CA10: variants seen among roughly 807,000 people sequenced by gnomAD.
The protein encoded by CA10 is carbonic anhydrase-related protein 10.
In CA10, 14 loss-of-function variants were observed where a neutral mutation model predicts 44.2. That is an observed-to-expected ratio of 0.32 (90% CI 0.21 to 0.50). CA10 has a LOEUF of 0.50. CA10 is among the 20% of genes least tolerant of loss of function. CA10 has a pLI of 0.99. For synonymous variants in CA10, 159 were observed against 141.6 expected, an observed-to-expected ratio of 1.12 and a Z score of -0.87; for missense variants, 350 against 409.7, an observed-to-expected ratio of 0.85 and a Z score of 1.26.
intron 2 of CA10, among the ~76,000 whole-genome samples, chr17:51,942,884 C>T (rs577687208): frequency 6.6e-6 from 1 of 152,046 alleles, no homozygotes; most frequent in Non-Finnish European, 1.5e-5. Flanking sequence ...GTTTCCATTC[C>T]AATACTTGAC....
intron 2 of CA10, among the ~76,000 whole-genome samples, chr17:52,022,149 T>TA (rs936061006): frequency 3.1e-4 from 47 of 151,774 alleles, no homozygotes; most frequent in African/African-American, 1.1e-3. Flanking sequence ...AAAGACATGA[T>TA]AAAAAAAGAA....
At chr17:51,882,747 C>T (rs1035805295) in intron 3 of CA10, among the ~76,000 whole-genome samples, 2 of 152,244 alleles carry the variant, frequency 1.3e-5, no homozygotes, top group Non-Finnish European at 2.9e-5. Flanking sequence ...GCCAGAGCAC[C>T]GAGTCAAGAC....
chr17:51,822,637 T>C (rs1240293129), intron 3 of CA10, among the ~76,000 whole-genome samples: 2 of 152,210 alleles, frequency 1.3e-5, no homozygotes, highest in African/African-American at 4.8e-5. Flanking sequence ...ACTGTAACAG[T>C]GTCTGGCACA....
chr17:51,933,018 G>A (rs1598125278), intron 2 of CA10, among the ~76,000 whole-genome samples: 2 of 152,102 alleles, frequency 1.3e-5, no homozygotes, highest in South Asian at 2.1e-4. Flanking sequence ...TGTCCGTAAC[G>A]CACACACAAG....
Position 52,023,876 on chromosome 17 carries a change from TTTTTC to T in CA10, c.136+48438_136+48442del. On this transcript the variant is annotated intron_variant, in intron 2 of 8. Transcript: ENST00000451037. ...TTTTCTTTAAAGGTTAAATGTCTCT[TTTTTC>T]TTCTGTCTATATTTAAAATTTTTAC... Among the ~76,000 whole-genome samples the T allele has an allele frequency of 2.0e-5, 3 of 152,264 alleles. No homozygotes were observed. The Middle Eastern group carries it at 0.01, about 518-fold the overall frequency.
chr17:51,700,672 C>T (rs1414662423), intron 4 of CA10, among the ~76,000 whole-genome samples: 1 of 152,206 alleles, frequency 6.6e-6, no homozygotes, highest in Non-Finnish European at 1.5e-5. Context: ...ATCCTTCTCA[C>T]CTGTTCTCTG....
At chr17:51,755,157 T>C (rs1248867213) in intron 3 of CA10, among the ~76,000 whole-genome samples, 2 of 152,208 alleles carry the variant, frequency 1.3e-5, no homozygotes, top group African/African-American at 4.8e-5. Context: ...ATAATTTAAC[T>C]TTTCTTGTTA....
chr17:51,713,907 C>T (rs1916017572), intron 4 of CA10, among the ~76,000 whole-genome samples: 1 of 152,208 alleles, frequency 6.6e-6, no homozygotes. Flanking sequence ...TGGTACTGAC[C>T]TGATGTTCCT....
intron 6 of CA10, among the ~76,000 whole-genome samples, chr17:51,645,636 G>A (rs1913299808): frequency 6.6e-6 from 1 of 152,168 alleles, no homozygotes; most frequent in South Asian, 2.1e-4. Flanking sequence ...AAAACATGCT[G>A]ACAAGTTTCA....
intron 1 of CA10, among the ~76,000 whole-genome samples, chr17:52,122,540 G>A (rs12601384): frequency 0.14 from 20,563 of 152,110 alleles, 1,680 homozygotes; most frequent in East Asian, 0.41. Flanking sequence ...TTGCACCCAA[G>A]GCAAGCTCCT....
chr17:51,798,736 G>C (rs1906811945), intron 3 of CA10, among the ~76,000 whole-genome samples: 1 of 152,226 alleles, frequency 6.6e-6, no homozygotes, highest in African/African-American at 2.4e-5. Flanking sequence ...AGAGAAGTCA[G>C]AGAAGGCTGA....
chr17:52,078,761 T>C (rs956464280), intron 1 of CA10, among the ~76,000 whole-genome samples: 2 of 152,188 alleles, frequency 1.3e-5, no homozygotes, highest in Admixed American at 6.5e-5. Flanking sequence ...GAAACATAAA[T>C]GACTGCCCCA....
Position 52,108,225 on chromosome 17 carries a change from T to TATAA in CA10, c.62-35833_62-35832insTTAT, listed in dbSNP as rs1484781108. 6.3e-5 allele frequency among the ~76,000 whole-genome samples: 9 copies of TATAA among 142,558 alleles called. No individual in the cohort carries two copies. In the East Asian group the frequency reaches 1.0e-3, roughly 16 times the overall value. The allele number at this position is 142,558 out of a possible 152,430, so 93.5% of individuals were successfully genotyped here. A position where few individuals can be genotyped will look rare whatever the true frequency, so the allele number is the denominator to read the frequency against. On this transcript the variant is annotated intron_variant, in intron 1 of 8. Transcript: ENST00000451037. The stretch of plus-strand genomic sequence containing the variant: ...ATATATATATATATATATATATATA[T>TATAA]AATATGTATATGATGGAATACTACC...
intron 2 of CA10, among the ~76,000 whole-genome samples, chr17:52,036,921 T>C (rs750784075): frequency 3.9e-5 from 6 of 152,126 alleles, no homozygotes; most frequent in African/African-American, 7.2e-5. Context: ...GTGGAGCTAC[T>C]GAGGCGGGCA....
At chr17:51,813,867 C>T (rs1567848283) in intron 3 of CA10, among the ~76,000 whole-genome samples, 3 of 152,210 alleles carry the variant, frequency 2.0e-5, no homozygotes, top group Non-Finnish European at 4.4e-5. Context: ...ATGCAGAGGG[C>T]TCAAGCCTAG....
intron 4 of CA10, among the ~76,000 whole-genome samples, chr17:51,660,467 C>T (rs947151884): frequency 6.6e-6 from 1 of 152,178 alleles, no homozygotes; most frequent in Non-Finnish European, 1.5e-5. Context: ...TGACACAAGC[C>T]ACACTTGTCA....
chr17:51,893,889 G>T (rs1980962965), intron 3 of CA10, among the ~76,000 whole-genome samples: 1 of 151,880 alleles, frequency 6.6e-6, no homozygotes, highest in Non-Finnish European at 1.5e-5. Flanking sequence ...ATACATTTTT[G>T]AAAAATATTT....
intron 2 of CA10, among the ~76,000 whole-genome samples, chr17:51,967,798 T>C (rs568043651): frequency 2.0e-5 from 3 of 151,698 alleles, no homozygotes; most frequent in South Asian, 4.2e-4. Context: ...ACCCATGTAA[T>C]GAAACTGTAC....
chr17:51,960,411 A>ACC (rs546398301), intron 2 of CA10, among the ~76,000 whole-genome samples: 1 of 151,010 alleles, frequency 6.6e-6, no homozygotes, highest in Admixed American at 6.6e-5. Context: ...GCTGAGAAAC[A>ACC]CCCCCCACCA....
Sources: allele counts gnomAD v4.1 joint callset (sites outside exome capture counted in the v4.1 genomes callset), GRCh38; gene constraint gnomAD v4.1.1; transcripts MANE v1.5; gene names NCBI Gene and HGNC (gene_info 2026-07-23, HGNC 2026-07-21).